ANXA7: variants seen among roughly 807,000 people sequenced by gnomAD.
The protein encoded by ANXA7 is annexin VII.
A neutral mutation model predicts 64.9 loss-of-function variants in ANXA7; 55 were observed. The observed-to-expected ratio is 0.85, with a 90% CI of 0.68 to 1.06. The LOEUF (loss-of-function observed/expected upper bound fraction) is 1.06. Among genes scored for constraint, ANXA7 ranks in the 50% least tolerant of loss-of-function variants. ANXA7 has a pLI of 0.00. For missense variants in ANXA7, 548 were observed against 582.1 expected (o/e 0.94, Z 0.60); for synonymous variants, 200 against 192.4 (o/e 1.04, Z -0.33).
intron 1 of ANXA7, among the ~76,000 whole-genome samples, chr10:73,408,619 T>G (rs1185234563): frequency 1.3e-5 from 2 of 152,164 alleles, no homozygotes; most frequent in African/African-American, 4.8e-5. Flanking sequence ...AAAGATTATC[T>G]GTATATAATA....
chr10:73,396,257 C>G, intron 5 of ANXA7: 1 of 648,560 alleles, frequency 1.5e-6, no homozygotes, highest in Non-Finnish European at 2.7e-6. Flanking sequence ...AGAACTAAAA[C>G]CAAGACCCCA....
rs138661113 is a variant in ANXA7, at chr10:73,388,309, T to C, written c.538+3A>G. The C allele has an allele frequency of 0.019, 30,571 of 1,611,292 alleles. 361 individuals are homozygous for C. The highest frequency in any genetic ancestry group is 0.022 in the Non-Finnish European group (25,794 of 1,177,508). On this transcript the variant is annotated splice_donor_region_variant and intron_variant, in intron 6 of 12. Transcript: ENST00000372921. The stretch of plus-strand genomic sequence containing the variant: ...AAAAAAGACAAAAATTTGTTTTCCT[T>C]ACCAAAACCCTTCATTGCCTTACGA...
chr10:73,406,314 T>C (rs1295215953), intron 1 of ANXA7, among the ~76,000 whole-genome samples: 4 of 152,192 alleles, frequency 2.6e-5, no homozygotes, highest in East Asian at 1.9e-4. Context: ...TCTGTTCTCA[T>C]GGTCATATAC....
chr10:73,388,515 A>G, intron 5 of ANXA7, 101 bp from the exon 6 acceptor site: 1 of 885,584 alleles, frequency 1.1e-6, no homozygotes, highest in Non-Finnish European at 1.8e-6. Context: ...TAAGAAGGCC[A>G]ATGTTTGGGT....
intron 5 of ANXA7, among the ~76,000 whole-genome samples, chr10:73,394,803 T>C (rs1190739866): frequency 6.6e-6 from 1 of 152,204 alleles, no homozygotes; most frequent in Non-Finnish European, 1.5e-5. Flanking sequence ...GGCACATGTA[T>C]ACATATGTAA....
intron 1 of ANXA7, among the ~76,000 whole-genome samples, chr10:73,402,671 A>C (rs1246505513): frequency 6.6e-6 from 1 of 152,306 alleles, no homozygotes; most frequent in African/African-American, 2.4e-5. Flanking sequence ...ACAAAACAAG[A>C]TATGTTCAGA....
At chr10:73,407,312 A>G (rs1489851340) in intron 1 of ANXA7, among the ~76,000 whole-genome samples, 1 of 152,118 alleles carries the variant, frequency 6.6e-6, no homozygotes, top group African/African-American at 2.4e-5. Context: ...CCTGACCCCA[A>G]GTGATCTGCC....
chr10:73,400,896 G>T, intron 1 of ANXA7, 39 bp from the exon 2 acceptor site: 1 of 1,542,258 alleles, frequency 6.5e-7, no homozygotes, highest in Non-Finnish European at 8.8e-7. Context: ...TAAGTTTTTT[G>T]TTGTTTTGTT....
intron 1 of ANXA7, among the ~76,000 whole-genome samples, chr10:73,405,384 A>T (rs370482992): frequency 8.0e-5 from 12 of 149,968 alleles, no homozygotes; most frequent in East Asian, 7.9e-4. Flanking sequence ...TCTACTAAAA[A>T]TACAAAAATT....
At chr10:73,393,550 T>C (rs993972073) in intron 5 of ANXA7, among the ~76,000 whole-genome samples, 7 of 152,040 alleles carry the variant, frequency 4.6e-5, no homozygotes, top group Non-Finnish European at 7.4e-5. Flanking sequence ...TCAGAAGTAA[T>C]ACCACACATC....
chr10:73,411,556 T>A lies in ANXA7; in HGVS notation c.-2+2456A>T, dbSNP rs542456859. Reference sequence around the variant, plus strand: ...CCCAGGTTCAAGCGATTCTCCTGTCTCAGCCTCCCGTGTAGCTGGGACGTG... The same window carrying A: ...CCCAGGTTCAAGCGATTCTCCTGTCACAGCCTCCCGTGTAGCTGGGACGTG... On this transcript the variant is annotated intron_variant, in intron 1 of 12. Coordinates refer to ENST00000372921, the MANE Select transcript of ANXA7 (RefSeq NM_001156.5). Among the ~76,000 whole-genome samples, 6 of 152,228 alleles carry A rather than the reference T, an allele frequency of 3.9e-5. No homozygotes were observed. In the East Asian group the frequency reaches 1.2e-3, roughly 29 times the overall value.
chr10:73,388,913 T>C (rs911920042), intron 5 of ANXA7, among the ~76,000 whole-genome samples: 3 of 152,212 alleles, frequency 2.0e-5, no homozygotes, highest in African/African-American at 7.2e-5. Flanking sequence ...TAAATCTATA[T>C]GAAAATTAAA....
intron 1 of ANXA7, among the ~76,000 whole-genome samples, chr10:73,402,796 C>T (rs1367760521): frequency 6.6e-6 from 1 of 151,860 alleles, no homozygotes; most frequent in Admixed American, 6.6e-5. Context: ...TATCCCCATT[C>T]CCCCATTCCA....
intron 7 of ANXA7, 129 bp from the exon 8 acceptor site, chr10:73,383,819 AT>A (rs2055314647): frequency 3.0e-6 from 2 of 676,186 alleles, no homozygotes; most frequent in Non-Finnish European, 5.1e-6. Flanking sequence ...CTGAATGTTA[AT>A]ATACTAAGAA....
At chr10:73,396,213 G>C in intron 5 of ANXA7, 1 of 750,700 alleles carries the variant, frequency 1.3e-6, no homozygotes, top group Admixed American at 2.5e-5. Context: ...AAATTCATAG[G>C]TGTAACTGCT....
chr10:73,411,183 A>C (rs2055832230), intron 1 of ANXA7, among the ~76,000 whole-genome samples: 1 of 152,196 alleles, frequency 6.6e-6, no homozygotes, highest in Admixed American at 6.5e-5. Flanking sequence ...TAAGTGAAGT[A>C]ATACAGGGGT....
intron 1 of ANXA7, among the ~76,000 whole-genome samples, chr10:73,405,308 G>A (rs2055737921): frequency 1.3e-5 from 2 of 150,658 alleles, no homozygotes; most frequent in Non-Finnish European, 1.5e-5. Flanking sequence ...TTGGGAGGCT[G>A]AGGTGGGCGG....
chr10:73,384,970 T>TA lies in ANXA7; in HGVS notation c.634-1281dup, dbSNP rs763424920. ...CTTCATTACATTCATTGTGGAGCTT[T>TA]AAAAAAAAAAAGAAAAACATTGATG... is the stretch of plus-strand genomic sequence containing the variant. On this transcript the variant is annotated intron_variant, in intron 7 of 12. Transcript: ENST00000372921. Among the ~76,000 whole-genome samples the TA allele has an allele frequency of 3.4e-4, 50 of 146,048 alleles. 1 individual carries two copies. The highest frequency in any genetic ancestry group is 1.4e-3 in the Admixed American group (21 of 14,578).
chr10:73,393,678 C>A (rs1352349414), intron 5 of ANXA7, among the ~76,000 whole-genome samples: 1 of 152,168 alleles, frequency 6.6e-6, no homozygotes, highest in Non-Finnish European at 1.5e-5. Context: ...GAAACTGGAT[C>A]CCTTCCTTAC....
Sources: allele counts gnomAD v4.1 joint callset (sites outside exome capture counted in the v4.1 genomes callset), GRCh38; gene constraint gnomAD v4.1.1; transcripts MANE v1.5; gene names NCBI Gene and HGNC (gene_info 2026-07-23, HGNC 2026-07-21).